The following CEP89 variants were observed in gnomAD, a reference collection of about 807,000 sequenced individuals.
CEP89 encodes the protein centrosomal protein 89.
A neutral mutation model predicts 97.6 loss-of-function variants in CEP89; 95 were observed. The observed-to-expected ratio is 0.97, with a 90% CI of 0.82 to 1.15. CEP89 has a LOEUF of 1.15. Among genes scored for constraint, CEP89 ranks in the 50% most tolerant of loss-of-function variants. The pLI is 0.00. For missense variants in CEP89, 869 were observed against 947.7 expected (o/e 0.92, Z 1.09); for synonymous variants, 354 against 349.1 (o/e 1.01, Z -0.16).
rs763925684 is a variant in CEP89 at position 32,901,275 on chromosome 19, G to A, written c.1703C>T (p.Ala568Val). The change falls in exon 15 of 19, where the codon GCC (alanine) becomes GTC (valine). Residue 568 changes from alanine (A) to valine (V), a missense_variant. By Grantham distance (64) the Ala-to-Val change is moderately conservative. Transcript: ENST00000305768. ...GATTTTCTGTGCTCGTTCAAGTTCG[G>A]CTTCCAGTGCTTTGTTTTGCTCTGT... Reference protein sequence around the residue: ...SLTEQNKALEAELERAQKINR... With the variant: ...SLTEQNKALEVELERAQKINR... The A allele has an allele frequency of 6.2e-7, 1 of 1,613,208 alleles. No homozygotes were observed. The highest frequency in any genetic ancestry group is 1.7e-5 in the Admixed American group (1 of 59,678).
intron 5 of CEP89, among the ~76,000 whole-genome samples, chr19:32,945,835 C>T (rs8108881): frequency 0.13 from 19,819 of 152,126 alleles, 1,356 homozygotes; most frequent in East Asian, 0.29. Context: ...CAGCAACATG[C>T]AGTACCTCCC....
rs559946613 is a variant in CEP89 at position 32,954,373 on chromosome 19, T to TG, written c.306-573_306-572insC. Among the ~76,000 whole-genome samples, 3 of 58,508 alleles carry TG rather than the reference T, an allele frequency of 5.1e-5. No individual in the cohort carries two copies. The East Asian group carries it at 1.8e-3, about 34-fold the overall frequency. 38.4% of individuals were successfully genotyped at this position (58,508 alleles called of 152,430 possible). On this transcript the variant is annotated intron_variant, in intron 3 of 18. Coordinates refer to ENST00000305768, the MANE Select transcript of CEP89 (RefSeq NM_032816.5). ...TGAATAAGGGTTTTTTGTTTTTTTG[T>TG]TTTTTTTTTGAGACAGGGTCTCACT...
At chr19:32,901,542 T>C in intron 14 of CEP89, 130 bp from the exon 15 acceptor site, 1 of 856,754 alleles carries the variant, frequency 1.2e-6, no homozygotes, top group Non-Finnish European at 1.8e-6. Context: ...GGAATGCCTC[T>C]GTGGAAACAT....
chr19:32,924,681 G>C (rs1970319497), intron 11 of CEP89, among the ~76,000 whole-genome samples: 1 of 152,220 alleles, frequency 6.6e-6, no homozygotes, highest in East Asian at 1.9e-4. Flanking sequence ...ACTGCTGGCA[G>C]TCCATGTGAC....
intron 18 of CEP89, among the ~76,000 whole-genome samples, chr19:32,881,516 T>A (rs1395093704): frequency 1.3e-5 from 2 of 151,104 alleles, no homozygotes; most frequent in African/African-American, 4.9e-5. Context: ...GGAGACAGAG[T>A]GAGATGCTGT....
intron 14 of CEP89, among the ~76,000 whole-genome samples, chr19:32,901,673 G>A (rs569922839): frequency 6.6e-6 from 1 of 152,116 alleles, no homozygotes; most frequent in African/African-American, 2.4e-5. Flanking sequence ...TGTTGCCCAG[G>A]CTGGAGTGCA....
intron 14 of CEP89, among the ~76,000 whole-genome samples, chr19:32,901,766 C>A (rs1372526926): frequency 6.6e-6 from 1 of 152,016 alleles, no homozygotes; most frequent in African/African-American, 2.4e-5. Context: ...TTGCTGGGAC[C>A]ACAGGCACAC....
intron 2 of CEP89, among the ~76,000 whole-genome samples, chr19:32,964,372 G>A (rs1167796390): frequency 1.3e-5 from 2 of 152,152 alleles, no homozygotes; most frequent in African/African-American, 2.4e-5. Context: ...GGTTTTCACC[G>A]TGTTGACCAG....
chr19:32,939,899 A>G lies in CEP89; in HGVS notation c.596-14T>C. 1.6e-6 allele frequency: 2 copies of G among 1,213,150 alleles called. No homozygotes were observed. Among genetic ancestry groups the G allele is most frequent in the Non-Finnish European group, 2.4e-6 (2 of 840,186 alleles). 75.1% of individuals were successfully genotyped at this position (1,213,150 alleles called of 1,614,324 possible). ...GGTGTTTACCATCTGATGAAGAAAA[A>G]GAGAGAGAGATAAACTTTTAAAGTA... On this transcript the variant is annotated splice_polypyrimidine_tract_variant and intron_variant, in intron 5 of 18. Transcript: ENST00000305768.
chr19:32,896,744 A>G (rs995493725), intron 16 of CEP89, among the ~76,000 whole-genome samples: 1 of 152,168 alleles, frequency 6.6e-6, no homozygotes, highest in African/African-American at 2.4e-5. Context: ...CCCAGGATAT[A>G]CAAGGAACTC....
intron 16 of CEP89, among the ~76,000 whole-genome samples, chr19:32,894,890 G>A (rs1346951354): frequency 2.0e-5 from 3 of 152,126 alleles, no homozygotes; most frequent in Non-Finnish European, 4.4e-5. Flanking sequence ...TCAAGAACCT[G>A]AACTGGCCCA....
At chr19:32,914,657 G>A (rs1167994501) in intron 14 of CEP89, among the ~76,000 whole-genome samples, 2 of 152,020 alleles carry the variant, frequency 1.3e-5, no homozygotes, top group South Asian at 2.1e-4. Flanking sequence ...CACCCAAAGT[G>A]CAGACTGCAG....
rs141687007 is a variant in CEP89 at position 32,956,350 on chromosome 19, G to A, written c.306-2549C>T. On this transcript the variant is annotated intron_variant, in intron 3 of 18. Coordinates refer to ENST00000305768, the MANE Select transcript of CEP89 (RefSeq NM_032816.5). ...ATTACAGGCGTGAGCCACCGCACCC[G>A]GCCTGTTTTTTCTTTTTTTATTTTT... Among the ~76,000 whole-genome samples, 1,284 of 151,328 alleles carry A rather than the reference G, an allele frequency of 8.5e-3. 20 individuals are homozygous for A. Among genetic ancestry groups the A allele is most frequent in the South Asian group, 0.049 (234 of 4,786 alleles).
chr19:32,957,394 A>G (rs1037843175), intron 3 of CEP89, among the ~76,000 whole-genome samples: 7 of 124,456 alleles, frequency 5.6e-5, no homozygotes, highest in South Asian at 2.6e-4. Context: ...TGCGTGCATG[A>G]GCATGGCTCA....
At chr19:32,939,053 C>A (rs1408471833) in intron 6 of CEP89, among the ~76,000 whole-genome samples, 6 of 151,720 alleles carry the variant, frequency 4.0e-5, no homozygotes, top group Non-Finnish European at 8.8e-5. Context: ...TTGAGACCAT[C>A]CTGGGCAACA....
chr19:32,893,834 GAAACACAACATACC>G (rs888010582), intron 16 of CEP89, among the ~76,000 whole-genome samples: 2 of 152,134 alleles, frequency 1.3e-5, no homozygotes, highest in Admixed American at 6.6e-5. Flanking sequence ...AATGAAAACT[GAAACACAACATACC>G]AAACACAACA....
chr19:32,924,287 C>A (rs1416957560), intron 11 of CEP89, among the ~76,000 whole-genome samples: 1 of 152,186 alleles, frequency 6.6e-6, no homozygotes, highest in Non-Finnish European at 1.5e-5. Context: ...GTCACCACAT[C>A]CAGCCAAGGC....
At chr19:32,888,130 A>G (rs1364574203) in intron 16 of CEP89, among the ~76,000 whole-genome samples, 1 of 151,946 alleles carries the variant, frequency 6.6e-6, no homozygotes, top group East Asian at 1.9e-4. Context: ...ATGCATCTCT[A>G]CTCTTATGGA....
chr19:32,919,750 C>T (rs1047980030), intron 12 of CEP89, among the ~76,000 whole-genome samples: 22 of 152,196 alleles, frequency 1.4e-4, no homozygotes, highest in African/African-American at 4.8e-4. Context: ...CTGCAACTTC[C>T]ACCTCAGCTT....
Sources: allele counts gnomAD v4.1 joint callset (sites outside exome capture counted in the v4.1 genomes callset), GRCh38; gene constraint gnomAD v4.1.1; transcripts MANE v1.5; gene names NCBI Gene and HGNC (gene_info 2026-07-23, HGNC 2026-07-21).